MCCC2: variants seen among roughly 807,000 people sequenced by gnomAD.
MCCC2 encodes methylcrotonyl-CoA carboxylase subunit 2, also known as methylcrotonoyl-CoA carboxylase beta chain, mitochondrial.
MCCC2 carries 52 observed loss-of-function variants against 77.2 expected under a neutral mutation model. The ratio of observed to expected loss-of-function variants is 0.67; its 90% confidence interval spans 0.54 to 0.85. The LOEUF (loss-of-function observed/expected upper bound fraction) is 0.85, where lower values mean the gene tolerates loss of function less well. MCCC2 is among the 40% of genes least tolerant of loss of function. MCCC2 has a pLI of 0.00. For missense variants in MCCC2, 682 were observed against 703.2 expected (o/e 0.97, Z 0.34); for synonymous variants, 253 against 248.4 (o/e 1.02, Z -0.18).
chr5:71,615,955 A>G (rs958079477), intron 6 of MCCC2, among the ~76,000 whole-genome samples: 2 of 152,184 alleles, frequency 1.3e-5, no homozygotes, highest in African/African-American at 4.8e-5. Context: ...TGGAGCTTTC[A>G]GTCCCAGCCC....
chr5:71,596,814 C>T (rs1206867973), intron 3 of MCCC2, among the ~76,000 whole-genome samples: 1 of 151,994 alleles, frequency 6.6e-6, no homozygotes, highest in Non-Finnish European at 1.5e-5. Flanking sequence ...GTGGCATGTG[C>T]TTGTAGTCCC....
intron 16 of MCCC2, 83 bp from the exon 17 acceptor site, chr5:71,656,660 T>C: frequency 9.3e-7 from 1 of 1,075,836 alleles, no homozygotes; most frequent in African/African-American, 1.5e-5. Flanking sequence ...GAAGGAAAAC[T>C]TCCTTGGCAT....
chr5:71,592,456 T>C (rs1324955673), intron 1 of MCCC2, among the ~76,000 whole-genome samples: 1 of 152,164 alleles, frequency 6.6e-6, no homozygotes, highest in African/African-American at 2.4e-5. Context: ...TAAGTGTACT[T>C]TGTCAGTAAG....
rs1747596182 is a variant in MCCC2 at position 71,656,879 on chromosome 5, T to C, written c.*19T>C. ...GATGTAACTGGAATAAAGGATGTTTTCTGTTGGACATGTACTGAAAATTAA... is the reference window on the plus strand; with the variant it reads ...GATGTAACTGGAATAAAGGATGTTTCCTGTTGGACATGTACTGAAAATTAA... On this transcript the variant is annotated 3_prime_UTR_variant, in exon 17 of 17. Coordinates refer to ENST00000340941, the MANE Select transcript of MCCC2 (RefSeq NM_022132.5). The C allele has an allele frequency of 1.3e-6, 2 of 1,576,550 alleles. No homozygotes were observed. Among genetic ancestry groups the C allele is most frequent in the Admixed American group, 3.3e-5 (2 of 59,948 alleles).
intron 4 of MCCC2, among the ~76,000 whole-genome samples, chr5:71,601,613 A>T (rs1230011329): frequency 2.0e-5 from 3 of 152,124 alleles, no homozygotes; most frequent in Non-Finnish European, 4.4e-5. Flanking sequence ...GCTCAACACT[A>T]CCCTGTGCTG....
intron 6 of MCCC2, among the ~76,000 whole-genome samples, chr5:71,618,086 C>T (rs1417261738): frequency 1.3e-5 from 2 of 152,026 alleles, no homozygotes; most frequent in African/African-American, 4.8e-5. Flanking sequence ...CATGAGAATG[C>T]CTTCTCTGGG....
At chr5:71,614,241 G>A (rs1746076111) in intron 6 of MCCC2, among the ~76,000 whole-genome samples, 1 of 152,052 alleles carries the variant, frequency 6.6e-6, no homozygotes, top group Admixed American at 6.6e-5. Context: ...CACTGAAGAT[G>A]TCAGGCTATG....
intron 6 of MCCC2, among the ~76,000 whole-genome samples, chr5:71,615,242 T>G (rs563081581): frequency 1.7e-4 from 26 of 152,324 alleles, no homozygotes; most frequent in Non-Finnish European, 3.5e-4. Flanking sequence ...GTGCTAGGAT[T>G]ATAGGCGTGA....
chr5:71,612,078 A>C (rs1580296029), intron 6 of MCCC2, among the ~76,000 whole-genome samples: 1 of 152,156 alleles, frequency 6.6e-6, no homozygotes, highest in Non-Finnish European at 1.5e-5. Context: ...TGCTGGGATA[A>C]CAGGCATGAG....
At chr5:71,643,966 G>A in intron 12 of MCCC2, 71 bp downstream of exon 12, 1 of 1,592,752 alleles carries the variant, frequency 6.3e-7, no homozygotes, top group Non-Finnish European at 8.6e-7. Flanking sequence ...CAAATAATGA[G>A]TTAAAATTTA....
intron 10 of MCCC2, among the ~76,000 whole-genome samples, chr5:71,639,599 C>T (rs73122789): frequency 1.6e-4 from 25 of 152,222 alleles, no homozygotes; most frequent in East Asian, 3.9e-4. Flanking sequence ...TTTGCTTTCT[C>T]GACATTATGG....
intron 6 of MCCC2, among the ~76,000 whole-genome samples, chr5:71,608,858 G>A (rs1210057885): frequency 2.0e-5 from 3 of 152,118 alleles, no homozygotes; most frequent in African/African-American, 7.2e-5. Context: ...GAAATTCTGG[G>A]TTGCAAATTC....
chr5:71,593,138 A>C (rs529909959), intron 2 of MCCC2, 146 bp downstream of exon 2: 2 of 702,908 alleles, frequency 2.8e-6, no homozygotes, highest in African/African-American at 3.7e-5. Flanking sequence ...CCCAGGCTGG[A>C]GTGCAGTGGC....
intron 16 of MCCC2, among the ~76,000 whole-genome samples, chr5:71,653,487 G>C (rs1198423829): frequency 6.7e-6 from 1 of 149,574 alleles, no homozygotes; most frequent in Non-Finnish European, 1.5e-5. Flanking sequence ...AACTCTTTCT[G>C]CATCTTGTAA....
rs748828204 is a variant in MCCC2 at position 71,602,615 on chromosome 5, C to T, written c.493C>T (p.Leu165Phe). ...CCAAGAAATTGCCATGCAAAACAGG[C>T]TCCCCTGCATCTACTTAGGCAAGTC... Reference protein sequence around the residue: ...RAQEIAMQNRLPCIYLVDSGG... With the variant: ...RAQEIAMQNRFPCIYLVDSGG... Residue 165 changes from leucine to phenylalanine, a missense_variant, in exon 5 of 17, where the codon CTC (leucine) becomes TTC (phenylalanine). Physicochemically the swap from Leu to Phe is conservative, Grantham distance 22. Transcript: ENST00000340941. The T allele has an allele frequency of 1.2e-6, 2 of 1,614,132 alleles. No homozygotes were observed. The highest frequency in any genetic ancestry group is 1.7e-6 in the Non-Finnish European group (2 of 1,180,020).
At chr5:71,592,415 A>G (rs10805884) in intron 1 of MCCC2, among the ~76,000 whole-genome samples, 119,094 of 152,016 alleles carry the variant, frequency 0.78, 47,314 homozygotes, top group East Asian at 0.88. Context: ...AATAAAAATA[A>G]GATCCTTTTT....
At position 71,587,354 on chromosome 5, in the gene MCCC2, C is replaced by G; in HGVS notation, c.-72C>G. The G allele has an allele frequency of 6.6e-7, 1 of 1,513,604 alleles. No individual in the cohort carries two copies. The highest frequency in any genetic ancestry group is 8.8e-7 in the Non-Finnish European group (1 of 1,136,390). The allele number at this position is 1,513,604 out of a possible 1,614,324, so 93.8% of individuals were successfully genotyped here. ...GACCTGAGCTCAGCTTCCGCCCCAG[C>G]CAGGGAAGCGGCAGGGGAAAGCACC... On this transcript the variant is annotated 5_prime_UTR_variant, in exon 1 of 17. Transcript: ENST00000340941.
chr5:71,627,452 T>A (rs1746570667), intron 7 of MCCC2, among the ~76,000 whole-genome samples: 1 of 152,224 alleles, frequency 6.6e-6, no homozygotes, highest in Non-Finnish European at 1.5e-5. Flanking sequence ...CATTGTATGG[T>A]TATGCTGTGT....
Position 71,599,732 on chromosome 5 carries a change from A to C in MCCC2, c.355A>C (p.Ile119Leu). The C allele has an allele frequency of 6.2e-7, 1 of 1,614,100 alleles. No individual in the cohort carries two copies. The highest frequency in any genetic ancestry group is 1.1e-5 in the South Asian group (1 of 91,084). The change falls in exon 4 of 17, where the codon ATT becomes CTT. Residue 119 changes from isoleucine to leucine, a missense_variant. Transcript: ENST00000340941. ...YDNEEVPGGG[I>L]ITGIGRVSGV... is the part of the protein sequence containing the mutation. ...CAATGAGGAGGTGCCAGGAGGTGGC[A>C]TTATTACAGGCATTGGAAGAGTATC...
Sources: gnomAD v4.1 joint callset for allele counts (sites outside exome capture counted in the v4.1 genomes callset) on GRCh38, gnomAD v4.1.1 for gene constraint, MANE v1.5 for transcripts, NCBI Gene and HGNC (gene_info 2026-07-23, HGNC 2026-07-21) for gene names.